SLC44A5: variants seen among roughly 807,000 people sequenced by gnomAD.
The protein encoded by SLC44A5 is solute carrier family 44 member 5.
In SLC44A5, 57 loss-of-function variants were observed where a neutral mutation model predicts 101.8. That is an observed-to-expected ratio of 0.56 (90% CI 0.45 to 0.70). The LOEUF (loss-of-function observed/expected upper bound fraction) is 0.70. SLC44A5 is among the 30% of genes least tolerant of loss of function. The pLI is 0.00. For missense variants in SLC44A5, 737 were observed against 853.1 expected (o/e 0.86, Z 1.70); for synonymous variants, 281 against 290.9 (o/e 0.97, Z 0.35).
chr1:75,218,390 T>G, intron 17 of SLC44A5, 100 bp downstream of exon 17: 2 of 1,449,702 alleles, frequency 1.4e-6, no homozygotes, highest in Non-Finnish European at 1.9e-6. Context: ...ACCTTTGATT[T>G]CATTTGTACC....
intron 2 of SLC44A5, among the ~76,000 whole-genome samples, chr1:75,456,622 T>C (rs1314247387): frequency 6.6e-6 from 1 of 152,246 alleles, no homozygotes; most frequent in Non-Finnish European, 1.5e-5. Flanking sequence ...ACTTGGAGTT[T>C]TCTTCCTTAG....
chr1:75,286,553 A>C (rs915432540), intron 5 of SLC44A5, among the ~76,000 whole-genome samples: 11 of 151,786 alleles, frequency 7.2e-5, no homozygotes, highest in Non-Finnish European at 1.3e-4. Flanking sequence ...TCATTGTGTT[A>C]TTGTTTTATA....
At chr1:75,470,836 A>T (rs1667068139) in intron 2 of SLC44A5, among the ~76,000 whole-genome samples, 1 of 152,136 alleles carries the variant, frequency 6.6e-6, no homozygotes, top group African/African-American at 2.4e-5. Flanking sequence ...CCATCCTGCC[A>T]TCCCTTTTAA....
At chr1:75,637,350 T>C in the SLC44A5 span, among the ~76,000 whole-genome samples, 3 of 151,992 alleles carry the variant, frequency 2.0e-5, no homozygotes, top group Non-Finnish European at 4.4e-5. Flanking sequence ...ATGATCCTGA[T>C]ACATGCCACA....
chr1:75,697,641 G>A, the SLC44A5 span, among the ~76,000 whole-genome samples: 1 of 152,086 alleles, frequency 6.6e-6, no homozygotes, highest in African/African-American at 2.4e-5. Flanking sequence ...AAAAATTAGG[G>A]GGAGAAGCCA....
chr1:75,664,195 A>C, the SLC44A5 span, among the ~76,000 whole-genome samples: 2,805 of 152,216 alleles, frequency 0.018, 80 homozygotes, highest in African/African-American at 0.065. Context: ...CCCACCACCA[A>C]CATCTTACTG....
intron 4 of SLC44A5, among the ~76,000 whole-genome samples, chr1:75,335,062 A>G (rs1049132528): frequency 2.6e-5 from 4 of 152,208 alleles, no homozygotes; most frequent in African/African-American, 7.2e-5. Context: ...AATTTCTCCA[A>G]TGAGTTCCCA....
chr1:75,641,188 T>C, the SLC44A5 span, among the ~76,000 whole-genome samples: 1 of 152,092 alleles, frequency 6.6e-6, no homozygotes, highest in Non-Finnish European at 1.5e-5. Flanking sequence ...TTTGTGTCTA[T>C]TACTTTTTTA....
upstream of SLC44A5, chr1:75,611,213 A>C (rs774283543): frequency 2.4e-6 from 1 of 413,308 alleles, no homozygotes; most frequent in Non-Finnish European, 3.3e-6. Context: ...TAGCCTTGCT[A>C]GCCTCAAAGG....
chr1:75,352,169 TTTATG>T (rs1191351173), intron 3 of SLC44A5, among the ~76,000 whole-genome samples: 2 of 152,130 alleles, frequency 1.3e-5, no homozygotes, highest in African/African-American at 4.8e-5. Context: ...CTTTCTGTGC[TTTATG>T]TTGTCTTCTT....
the SLC44A5 span, among the ~76,000 whole-genome samples, chr1:75,672,687 G>A: frequency 6.6e-6 from 1 of 152,148 alleles, no homozygotes; most frequent in East Asian, 1.9e-4. Context: ...AGCTCTGGGA[G>A]AGATTCCTTT....
the SLC44A5 span, among the ~76,000 whole-genome samples, chr1:75,700,123 C>T: frequency 6.6e-6 from 1 of 152,036 alleles, no homozygotes; most frequent in African/African-American, 2.4e-5. Flanking sequence ...CAAGGATATC[C>T]AGGAATTGAA....
At chr1:75,391,934 G>T (rs750680015) in intron 3 of SLC44A5, among the ~76,000 whole-genome samples, 2 of 152,108 alleles carry the variant, frequency 1.3e-5, no homozygotes, top group African/African-American at 2.4e-5. Flanking sequence ...TGGGTGGATT[G>T]CTTGAGTCTG....
At chr1:75,242,768 G>A in intron 8 of SLC44A5, 118 bp downstream of exon 8, 1 of 1,179,422 alleles carries the variant, frequency 8.5e-7, no homozygotes, top group African/African-American at 1.5e-5. Flanking sequence ...CAATGAAATT[G>A]TATCTAATCA....
At chr1:75,480,702 T>C (rs544271996) in intron 2 of SLC44A5, among the ~76,000 whole-genome samples, 3 of 152,052 alleles carry the variant, frequency 2.0e-5, no homozygotes, top group South Asian at 4.2e-4. Flanking sequence ...ACAAGGGATG[T>C]GAAGGACCTC....
At chr1:75,204,896 A>G (rs1264789667) in intron 23 of SLC44A5, 1 of 152,204 alleles carries the variant, frequency 6.6e-6, no homozygotes, top group South Asian at 2.1e-4. Context: ...GCAGAGCACA[A>G]ACATCTATAG....
chr1:75,419,678 T>A (rs1019367960), intron 2 of SLC44A5, among the ~76,000 whole-genome samples: 5 of 152,120 alleles, frequency 3.3e-5, no homozygotes, highest in African/African-American at 4.8e-5. Flanking sequence ...ATTAAGAGCA[T>A]CAGAAATGAT....
At chr1:75,300,572 T>C in intron 5 of SLC44A5, 40 bp downstream of exon 5, 1 of 1,315,528 alleles carries the variant, frequency 7.6e-7, no homozygotes, top group Non-Finnish European at 1.1e-6. Flanking sequence ...GTTATTCCAT[T>C]AGCAAGTGTT....
intron 2 of SLC44A5, among the ~76,000 whole-genome samples, chr1:75,489,679 T>C (rs895276755): frequency 2.8e-4 from 42 of 152,258 alleles, no homozygotes; most frequent in Middle Eastern, 3.4e-3. Context: ...ATGGAGTACA[T>C]TGGCAAGTCA....
Sources: gnomAD v4.1 joint callset for allele counts (sites outside exome capture counted in the v4.1 genomes callset) on GRCh38, gnomAD v4.1.1 for gene constraint, MANE v1.5 for transcripts, NCBI Gene and HGNC (gene_info 2026-07-23, HGNC 2026-07-21) for gene names.